The following CNTNAP5 variants were observed in gnomAD, a reference collection of about 807,000 sequenced individuals.
CNTNAP5 encodes contactin associated protein family member 5.
In CNTNAP5, 72 loss-of-function variants were observed where a neutral mutation model predicts 150.2. The observed-to-expected ratio is 0.48, with a 90% CI of 0.40 to 0.58. The LOEUF (loss-of-function observed/expected upper bound fraction) is 0.58. Ranked by LOEUF, CNTNAP5 falls within the 20% of genes least tolerant of loss-of-function variation. CNTNAP5 has a pLI of 0.00. For missense variants in CNTNAP5, 1,636 were observed against 1,626.2 expected, an observed-to-expected ratio of 1.01 and a Z score of -0.10; for synonymous variants, 672 against 619.8, an observed-to-expected ratio of 1.08 and a Z score of -1.25.
Position 124,858,681 on chromosome 2 carries a change from T to C in CNTNAP5, c.3218-6625T>C, listed in dbSNP as rs538106839. Among the ~76,000 whole-genome samples the C allele has an allele frequency of 1.4e-3, 217 of 152,230 alleles. 2 individuals carry two copies. Among genetic ancestry groups the C allele is most frequent in the African/African-American group, 4.8e-3 (200 of 41,550 alleles). On this transcript the variant is annotated intron_variant, in intron 19 of 23. Transcript: ENST00000682447. ...AGTATTTGCAAGCCTCATGGAAACA[T>C]TGAGTCAAAAAGCATACAATGGATA... is the stretch of plus-strand genomic sequence containing the variant.
chr2:124,639,629 ATTATAC>A (rs58068128), intron 12 of CNTNAP5, among the ~76,000 whole-genome samples: 57,679 of 151,470 alleles, frequency 0.38, 12,736 homozygotes, highest in Non-Finnish European at 0.5. Flanking sequence ...AACAAGTACT[ATTATAC>A]TTATACTATT....
intron 13 of CNTNAP5, among the ~76,000 whole-genome samples, chr2:124,686,170 T>C (rs1382201549): frequency 2.0e-5 from 3 of 152,122 alleles, no homozygotes; most frequent in Non-Finnish European, 4.4e-5. Flanking sequence ...TTTTATTTAT[T>C]AGTGGCTTAC....
chr2:124,086,285 CT>C (rs1237916330), intron 1 of CNTNAP5, among the ~76,000 whole-genome samples: 1 of 146,460 alleles, frequency 6.8e-6, no homozygotes, highest in Non-Finnish European at 1.5e-5. Flanking sequence ...CAAGCTCCGC[CT>C]CCCGGCTCCC....
intron 13 of CNTNAP5, among the ~76,000 whole-genome samples, chr2:124,718,222 T>C (rs1285126072): frequency 2.0e-5 from 3 of 152,186 alleles, no homozygotes; most frequent in Admixed American, 2.0e-4. Flanking sequence ...AATACAAAGA[T>C]AAAGTATTAT....
intron 13 of CNTNAP5, among the ~76,000 whole-genome samples, chr2:124,724,234 C>T (rs1680108737): frequency 6.6e-6 from 1 of 151,894 alleles, no homozygotes; most frequent in Non-Finnish European, 1.5e-5. Flanking sequence ...CATGTTGGCA[C>T]TTCAACATTT....
At chr2:124,434,820 G>C (rs1373251519) in intron 5 of CNTNAP5, 133 bp downstream of exon 5, 6 of 756,148 alleles carry the variant, frequency 7.9e-6, no homozygotes, top group Non-Finnish European at 1.3e-5. Context: ...GGTGGGGATA[G>C]AAATGTTTAA....
chr2:124,426,560 A>T (rs1301166999), intron 4 of CNTNAP5, among the ~76,000 whole-genome samples: 1 of 152,192 alleles, frequency 6.6e-6, no homozygotes, highest in Non-Finnish European at 1.5e-5. Context: ...AGTGGGACTG[A>T]TTGTCTCAGG....
At chr2:124,875,780 C>T (rs1173947960) in intron 21 of CNTNAP5, among the ~76,000 whole-genome samples, 3 of 146,138 alleles carry the variant, frequency 2.1e-5, no homozygotes, top group Non-Finnish European at 4.5e-5. Context: ...GGGAGGTGCT[C>T]AACTGTGCTC....
chr2:124,867,040 C>T lies in CNTNAP5; in HGVS notation c.3348+1604C>T, dbSNP rs149766386. Among the ~76,000 whole-genome samples the T allele has an allele frequency of 3.0e-3, 454 of 152,248 alleles. 5 individuals are homozygous for T. Among genetic ancestry groups the T allele is most frequent in the African/African-American group, 0.01 (429 of 41,556 alleles). On this transcript the variant is annotated intron_variant, in intron 20 of 23. Transcript: ENST00000682447. ...CCTCCTGAATAGTTCATGGTTCTAG[C>T]TAAGGCCTGACCTTGCTACCTGTGG... is the stretch of plus-strand genomic sequence containing the variant.
In CNTNAP5 at chr2:124,599,422, G is replaced by T. The variant is rs943322551; in HGVS notation, c.1757-10379G>T. On this transcript the variant is annotated intron_variant, in intron 11 of 23. Transcript: ENST00000682447. ...ATTTTTTGGATTAAACATTCCCTTG[G>T]CCATTATGTAATTTTAAAATACGTT... Among the ~76,000 whole-genome samples the T allele has an allele frequency of 2.6e-5, 4 of 151,780 alleles. No individual in the cohort carries two copies. The East Asian group carries it at 7.7e-4, about 29-fold the overall frequency.
chr2:124,521,250 A>G (rs942310639), intron 8 of CNTNAP5, among the ~76,000 whole-genome samples: 5 of 152,238 alleles, frequency 3.3e-5, no homozygotes, highest in South Asian at 4.1e-4. Context: ...AAAGCTCCCC[A>G]GGCAATACCT....
intron 13 of CNTNAP5, among the ~76,000 whole-genome samples, chr2:124,728,724 A>G (rs1327667522): frequency 2.6e-5 from 4 of 152,060 alleles, no homozygotes; most frequent in African/African-American, 4.8e-5. Flanking sequence ...GGAATGAGGC[A>G]TGGAAAAATT....
chr2:124,723,456 C>A (rs916236423), intron 13 of CNTNAP5, among the ~76,000 whole-genome samples: 1 of 152,126 alleles, frequency 6.6e-6, no homozygotes, highest in Non-Finnish European at 1.5e-5. Context: ...ACATGTATTT[C>A]AAAACTTGTC....
intron 19 of CNTNAP5, among the ~76,000 whole-genome samples, chr2:124,822,539 T>C (rs1682512536): frequency 6.6e-6 from 1 of 152,236 alleles, no homozygotes; most frequent in East Asian, 1.9e-4. Context: ...CGAGATGTAC[T>C]ATTGCCATTT....
intron 2 of CNTNAP5, among the ~76,000 whole-genome samples, chr2:124,223,212 G>A (rs930251956): frequency 6.6e-6 from 1 of 152,080 alleles, no homozygotes; most frequent in African/African-American, 2.4e-5. Flanking sequence ...TTCAAAGTTC[G>A]TGTTTATATT....
At chr2:124,786,507 A>AAAAGAAAG (rs150483975) in intron 17 of CNTNAP5, among the ~76,000 whole-genome samples, 3,146 of 131,948 alleles carry the variant, frequency 0.024, 252 homozygotes, top group African/African-American at 0.097. Context: ...GAGGGAAAGA[A>AAAAGAAAG]AAAGAAAGAA....
chr2:124,422,513 A>C (rs369627509), intron 4 of CNTNAP5, among the ~76,000 whole-genome samples: 12 of 152,312 alleles, frequency 7.9e-5, no homozygotes, highest in African/African-American at 2.6e-4. Context: ...GTGATTGTCT[A>C]ACATCTGCTT....
chr2:124,611,341 C>T (rs1039922027), intron 12 of CNTNAP5, among the ~76,000 whole-genome samples: 1 of 152,188 alleles, frequency 6.6e-6, no homozygotes, highest in Admixed American at 6.5e-5. Flanking sequence ...GTAATTTGCC[C>T]ATCTGGATAC....
chr2:124,372,173 G>T (rs1690544218), intron 3 of CNTNAP5, among the ~76,000 whole-genome samples: 1 of 152,034 alleles, frequency 6.6e-6, no homozygotes, highest in African/African-American at 2.4e-5. Flanking sequence ...TTCATCTCCT[G>T]CCCTTGGACA....
Sources: gnomAD v4.1 joint callset for allele counts (sites outside exome capture counted in the v4.1 genomes callset) on GRCh38, gnomAD v4.1.1 for gene constraint, MANE v1.5 for transcripts, NCBI Gene and HGNC (gene_info 2026-07-23, HGNC 2026-07-21) for gene names.